The following ADAMTSL3 variants were observed in gnomAD, a reference collection of about 807,000 sequenced individuals.
ADAMTSL3 encodes ADAMTS-like protein 3.
Under a neutral mutation model 201.7 loss-of-function variants are expected in ADAMTSL3, and 128 were observed. That is an observed-to-expected ratio of 0.63 (90% confidence interval 0.55 to 0.73). ADAMTSL3 has a LOEUF of 0.73. Among genes scored for constraint, ADAMTSL3 ranks in the 30% least tolerant of loss-of-function variants. ADAMTSL3 has a pLI of 0.00. For synonymous variants in ADAMTSL3, 738 were observed against 748.4 expected, an observed-to-expected ratio of 0.99 and a Z score of 0.23; for missense variants, 1,990 against 2,119.6, an observed-to-expected ratio of 0.94 and a Z score of 1.20.
At chr15:83,732,397 A>G (rs889487791) in intron 3 of ADAMTSL3, among the ~76,000 whole-genome samples, 1 of 152,146 alleles carries the variant, frequency 6.6e-6, no homozygotes, top group African/African-American at 2.4e-5. Flanking sequence ...AACACTGTAT[A>G]TTTATCTGCC....
At chr15:84,022,644 C>CT (rs2068225309) in intron 26 of ADAMTSL3, among the ~76,000 whole-genome samples, 1 of 152,180 alleles carries the variant, frequency 6.6e-6, no homozygotes, top group South Asian at 2.1e-4. Flanking sequence ...TCTTGTACAT[C>CT]TTTTTATCTC....
intron 28 of ADAMTSL3, among the ~76,000 whole-genome samples, chr15:84,033,976 G>A (rs1392542439): frequency 6.6e-6 from 1 of 152,114 alleles, no homozygotes; most frequent in Non-Finnish European, 1.5e-5. Context: ...AATTCCTAGA[G>A]CTGGGGGTGA....
chr15:83,901,867 G>A (rs988129328), intron 15 of ADAMTSL3, among the ~76,000 whole-genome samples: 2 of 152,136 alleles, frequency 1.3e-5, no homozygotes, highest in African/African-American at 2.4e-5. Context: ...GTCACAGAAG[G>A]AAGGTCACAG....
intron 6 of ADAMTSL3, among the ~76,000 whole-genome samples, chr15:83,833,066 G>T (rs567222259): frequency 6.6e-6 from 1 of 152,154 alleles, no homozygotes; most frequent in Non-Finnish European, 1.5e-5. Context: ...CATTGTGGAA[G>T]TCCTTTACTG....
At position 83,743,994 on chromosome 15, in the gene ADAMTSL3, G is replaced by T. The variant is rs188869358; in HGVS notation, c.190-29529G>T. On this transcript the variant is annotated intron_variant, in intron 3 of 29. Transcript: ENST00000286744. The stretch of plus-strand genomic sequence containing the variant: ...GCCTCCTGAGTAGCTGGGACTACAG[G>T]TGCGTGCCACCACTCCCGGCTAATT... Among the ~76,000 whole-genome samples, 1,255 of 152,042 alleles carry T rather than the reference G, an allele frequency of 8.3e-3. 17 individuals carry two copies. The highest frequency in any genetic ancestry group is 0.027 in the African/African-American group (1,111 of 41,440).
intron 6 of ADAMTSL3, among the ~76,000 whole-genome samples, chr15:83,834,775 T>C (rs999641891): frequency 6.6e-6 from 1 of 152,242 alleles, no homozygotes; most frequent in South Asian, 2.1e-4. Context: ...GTTATTAATT[T>C]ATGCTCTGTA....
At chr15:83,768,204 G>A (rs907601464) in intron 3 of ADAMTSL3, among the ~76,000 whole-genome samples, 4 of 152,202 alleles carry the variant, frequency 2.6e-5, no homozygotes, top group South Asian at 4.1e-4. Flanking sequence ...AACTGCATGC[G>A]TGGAGATGCT....
chr15:83,916,952 C>G (rs999826308), intron 16 of ADAMTSL3, among the ~76,000 whole-genome samples: 8 of 152,312 alleles, frequency 5.3e-5, no homozygotes, highest in African/African-American at 1.9e-4. Context: ...CCCAACCACA[C>G]TGCTTATAGT....
At chr15:83,764,011 A>T (rs926063481) in intron 3 of ADAMTSL3, among the ~76,000 whole-genome samples, 1 of 152,228 alleles carries the variant, frequency 6.6e-6, no homozygotes, top group African/African-American at 2.4e-5. Flanking sequence ...GGAAGCCTGA[A>T]TGATATTGGC....
intron 5 of ADAMTSL3, among the ~76,000 whole-genome samples, chr15:83,816,131 AT>A (rs1352344389): frequency 1.3e-5 from 2 of 152,364 alleles, no homozygotes; most frequent in East Asian, 3.9e-4. Context: ...TCCTATTTAA[AT>A]GCATAGTTTA....
At position 84,036,921 on chromosome 15, in the gene ADAMTSL3, A is replaced by C. The variant is rs780750669; in HGVS notation, c.4903A>C (p.Lys1635Gln). 5.9e-5 allele frequency: 96 copies of C among 1,614,026 alleles called. No individual in the cohort carries two copies. Among genetic ancestry groups the C allele is most frequent in the Non-Finnish European group, 1.4e-5 (16 of 1,180,018 alleles). ...IHTRSCKPVA[K>Q]RHCVQKKKPI... is the part of the protein sequence containing the mutation. ...CACAAGGAGTTGCAAACCTGTGGCC[A>C]AGAGACACTGTGTACAGAAAAAGAA... The change falls in exon 29 of 30, where the codon AAG (lysine) becomes CAG (glutamine). Residue 1635 changes from lysine to glutamine, a missense_variant. Transcript: ENST00000286744.
intron 19 of ADAMTSL3, among the ~76,000 whole-genome samples, chr15:83,943,559 C>T (rs1259242576): frequency 1.3e-5 from 2 of 152,188 alleles, no homozygotes; most frequent in African/African-American, 4.8e-5. Context: ...GAGTAGAATT[C>T]TAGTAGATCG....
At chr15:83,846,672 G>A (rs755204174) in intron 7 of ADAMTSL3, among the ~76,000 whole-genome samples, 5 of 152,128 alleles carry the variant, frequency 3.3e-5, no homozygotes, top group Non-Finnish European at 7.3e-5. Flanking sequence ...AATTTTGAGG[G>A]GTAAATCTGG....
chr15:83,675,586 C>CTTTTTTTTTTT (rs77339448), intron 2 of ADAMTSL3, among the ~76,000 whole-genome samples: 5 of 126,054 alleles, frequency 4.0e-5, no homozygotes, highest in Non-Finnish European at 5.1e-5. Flanking sequence ...GTGCTGTTTT[C>CTTTTTTTTTTT]TTTTTTTTTT....
chr15:83,711,352 G>C (rs2061930791), intron 3 of ADAMTSL3, among the ~76,000 whole-genome samples: 1 of 152,184 alleles, frequency 6.6e-6, no homozygotes, highest in South Asian at 2.1e-4. Flanking sequence ...AATTTCTGGT[G>C]AAAGAAGACG....
At chr15:84,031,068 C>G (rs2068400410) in intron 27 of ADAMTSL3, among the ~76,000 whole-genome samples, 1 of 152,122 alleles carries the variant, frequency 6.6e-6, no homozygotes, top group African/African-American at 2.4e-5. Context: ...TTGTAAATTA[C>G]CCAGTCTCGG....
intron 3 of ADAMTSL3, among the ~76,000 whole-genome samples, chr15:83,743,960 C>T (rs2062500783): frequency 6.6e-6 from 1 of 151,962 alleles, no homozygotes; most frequent in South Asian, 2.1e-4. Flanking sequence ...ACACCATTCT[C>T]CTGCCTCAGC....
chr15:83,766,796 T>C (rs2062899080), intron 3 of ADAMTSL3, among the ~76,000 whole-genome samples: 1 of 152,170 alleles, frequency 6.6e-6, no homozygotes, highest in African/African-American at 2.4e-5. Context: ...TGTATGACAT[T>C]AGAAATTATA....
intron 2 of ADAMTSL3, among the ~76,000 whole-genome samples, chr15:83,689,476 T>C (rs1485167895): frequency 1.3e-5 from 2 of 152,234 alleles, no homozygotes; most frequent in Non-Finnish European, 2.9e-5. Context: ...TGTTTTGGAT[T>C]TTATACAAAT....
Sources: gnomAD v4.1 joint callset for allele counts (sites outside exome capture counted in the v4.1 genomes callset) on GRCh38, gnomAD v4.1.1 for gene constraint, MANE v1.5 for transcripts, NCBI Gene and HGNC (gene_info 2026-07-23, HGNC 2026-07-21) for gene names.